The following ZNF385D variants were observed in gnomAD, a reference collection of about 807,000 sequenced individuals.
ZNF385D encodes the protein zinc finger protein 659.
A neutral mutation model predicts 35.8 loss-of-function variants in ZNF385D; 15 were observed. The observed-to-expected ratio is 0.42, with a 90% CI of 0.28 to 0.64. ZNF385D has a LOEUF of 0.64. Among genes scored for constraint, ZNF385D ranks in the 30% least tolerant of loss-of-function variants. The pLI is 0.23. For missense variants in ZNF385D, 474 were observed against 494.6 expected, an observed-to-expected ratio of 0.96 and a Z score of 0.39; for synonymous variants, 212 against 186.8, an observed-to-expected ratio of 1.13 and a Z score of -1.10.
intron 4 of ZNF385D, among the ~76,000 whole-genome samples, chr3:21,464,177 T>C (rs1448575417): frequency 6.6e-6 from 1 of 152,218 alleles, no homozygotes; most frequent in Non-Finnish European, 1.5e-5. Context: ...TAAAGTAGGC[T>C]TTTGAGAAAG....
rs148123764 is a variant in ZNF385D at position 21,924,060 on chromosome 3, AG to A, written c.325+244756del. On this transcript the variant is annotated intron_variant, in intron 3 of 5. Coordinates refer to the ZNF385D transcript ENST00000494108. ...AAATTATCCTCTTATTTGTGGTAAA[AG>A]CCAGAGCACATAATCAATGAGATAA... 4.9e-3 allele frequency among the ~76,000 whole-genome samples: 740 copies of A among 152,324 alleles called. 3 individuals carry two copies. Among genetic ancestry groups the A allele is most frequent in the Middle Eastern group, 0.014 (4 of 294 alleles).
chr3:22,319,203 T>G (rs1481396940), intron 2 of ZNF385D, among the ~76,000 whole-genome samples: 1 of 152,146 alleles, frequency 6.6e-6, no homozygotes, highest in Non-Finnish European at 1.5e-5. Context: ...CAACCAAGTC[T>G]TTCTTATGTG....
At position 21,639,953 on chromosome 3, in the gene ZNF385D, C is replaced by T. The variant is rs148318960; in HGVS notation, c.165+24933G>A. On this transcript the variant is annotated intron_variant, in intron 2 of 7. Transcript: ENST00000281523. ...TATTATATAAGAAACAATCCAAAGA[C>T]ACTTTTAGGGTTTTAAATGATCTTT... 2.1e-3 allele frequency among the ~76,000 whole-genome samples: 321 copies of T among 152,060 alleles called. 2 individuals are homozygous for T. Among genetic ancestry groups the T allele is most frequent in the Middle Eastern group, 0.01 (3 of 294 alleles).
rs139972043 is a variant in ZNF385D at position 21,747,746 on chromosome 3, T to C, written c.22+3149A>G. ...ACCAGCACAGTCCTCTTAACCAAAC[T>C]GTAACTGGGCAGCTCAGTCCATTGT... is the stretch of plus-strand genomic sequence containing the variant. On this transcript the variant is annotated intron_variant, in intron 1 of 7. Coordinates refer to ENST00000281523, the MANE Select transcript of ZNF385D (RefSeq NM_024697.3). Among the ~76,000 whole-genome samples, 667 of 152,284 alleles carry C rather than the reference T, an allele frequency of 4.4e-3. 2 individuals are homozygous for C. The highest frequency in any genetic ancestry group is 7.0e-3 in the Non-Finnish European group (477 of 68,008).
At chr3:22,287,202 C>T (rs1702070343) in intron 2 of ZNF385D, among the ~76,000 whole-genome samples, 1 of 151,942 alleles carries the variant, frequency 6.6e-6, no homozygotes, top group Admixed American at 6.6e-5. Flanking sequence ...TACCTCTGCT[C>T]TCTTTTCCAT....
intron 3 of ZNF385D, among the ~76,000 whole-genome samples, chr3:21,782,024 G>T (rs1410735433): frequency 6.6e-6 from 1 of 152,038 alleles, no homozygotes; most frequent in East Asian, 1.9e-4. Context: ...CTAGGGCGAG[G>T]ACTCCTCTGC....
At chr3:22,076,886 C>T (rs1442042399) in intron 3 of ZNF385D, among the ~76,000 whole-genome samples, 1 of 151,716 alleles carries the variant, frequency 6.6e-6, no homozygotes, top group African/African-American at 2.4e-5. Flanking sequence ...TAAGTAATTA[C>T]AGAAAAACAG....
chr3:21,713,209 G>C (rs13326250), intron 1 of ZNF385D, among the ~76,000 whole-genome samples: 1 of 152,280 alleles, frequency 6.6e-6, no homozygotes, highest in African/African-American at 2.4e-5. Flanking sequence ...GAAGTGCAAA[G>C]AACAAGAAGA....
chr3:21,556,068 G>GTTTTTTTTTTTTTTTTTTTTTTTTTTTT (rs148079775), intron 3 of ZNF385D, among the ~76,000 whole-genome samples: 26 of 99,038 alleles, frequency 2.6e-4, no homozygotes, highest in Non-Finnish European at 3.5e-4. Flanking sequence ...TTTTGTTTTT[G>GTTTTTTTTTTTTTTTTTTTTTTTTTTTT]TTTTTTTTTT....
At chr3:21,958,709 A>G (rs1702418609) in intron 3 of ZNF385D, 1 of 152,176 alleles carries the variant, frequency 6.6e-6, no homozygotes, top group Non-Finnish European at 1.5e-5. Context: ...AGAAAGCTTC[A>G]CAATTGAAAT....
chr3:22,103,006 A>G (rs918665391), intron 3 of ZNF385D, among the ~76,000 whole-genome samples: 4 of 150,604 alleles, frequency 2.7e-5, no homozygotes, highest in Admixed American at 6.6e-5. Flanking sequence ...CTGTATATAT[A>G]TAAGTGAATA....
At chr3:22,047,564 T>C (rs945418117) in intron 3 of ZNF385D, among the ~76,000 whole-genome samples, 1 of 152,120 alleles carries the variant, frequency 6.6e-6, no homozygotes, top group African/African-American at 2.4e-5. Flanking sequence ...CATGTTGTTA[T>C]AAATGACAGG....
At chr3:22,123,921 C>CCTCT (rs1703249848) in intron 3 of ZNF385D, among the ~76,000 whole-genome samples, 1 of 79,550 alleles carries the variant, frequency 1.3e-5, no homozygotes, top group South Asian at 4.5e-4. Context: ...AGCTAGACTC[C>CCTCT]ATCTCTCTCT....
chr3:22,365,683 C>A (rs1696626074), intron 2 of ZNF385D, among the ~76,000 whole-genome samples: 1 of 152,068 alleles, frequency 6.6e-6, no homozygotes, highest in South Asian at 2.1e-4. Flanking sequence ...TTACTAATTC[C>A]TCAGCTTTTT....
chr3:22,039,296 A>T (rs1253944435), intron 3 of ZNF385D, among the ~76,000 whole-genome samples: 1 of 149,966 alleles, frequency 6.7e-6, no homozygotes, highest in African/African-American at 2.4e-5. Flanking sequence ...AAGCAGGCTC[A>T]TTGTTAGGGG....
At chr3:21,431,687 T>G (rs1701301111) in intron 5 of ZNF385D, among the ~76,000 whole-genome samples, 1 of 152,114 alleles carries the variant, frequency 6.6e-6, no homozygotes, top group African/African-American at 2.4e-5. Flanking sequence ...TGTAGAAAGT[T>G]TAAAGAAGTT....
At chr3:21,992,018 C>T (rs1250317259) in intron 3 of ZNF385D, among the ~76,000 whole-genome samples, 2 of 152,158 alleles carry the variant, frequency 1.3e-5, no homozygotes, top group African/African-American at 4.8e-5. Context: ...TTCTCTTTAG[C>T]ATGCTCATCT....
rs17008961 is a variant in ZNF385D at position 21,518,626 on chromosome 3, A to G, written c.277-7603T>C. 4.9e-3 allele frequency among the ~76,000 whole-genome samples: 739 copies of G among 152,322 alleles called. 5 individuals are homozygous for G. The highest frequency in any genetic ancestry group is 6.2e-3 in the South Asian group (30 of 4,830). On this transcript the variant is annotated intron_variant, in intron 3 of 7. Coordinates refer to ENST00000281523, the MANE Select transcript of ZNF385D (RefSeq NM_024697.3). ...TGTTTTATTTGCATTAAGCTGAGTT[A>G]GTGTTAGCCATGTCTAGTTTTTTTC...
intron 4 of ZNF385D, among the ~76,000 whole-genome samples, chr3:21,473,538 A>G (rs540324801): frequency 6.6e-6 from 1 of 152,060 alleles, no homozygotes; most frequent in East Asian, 1.9e-4. Flanking sequence ...CCCTTGTTGA[A>G]CCAATGCTAT....
Sources: allele counts gnomAD v4.1 joint callset (sites outside exome capture counted in the v4.1 genomes callset), GRCh38; gene constraint gnomAD v4.1.1; transcripts MANE v1.5; gene names NCBI Gene and HGNC (gene_info 2026-07-23, HGNC 2026-07-21).